The following ATP10B variants were observed in gnomAD, a reference collection of about 807,000 sequenced individuals.
ATP10B encodes the protein phospholipid-transporting ATPase VB.
A neutral mutation model predicts 141.2 loss-of-function variants in ATP10B; 122 were observed. The ratio of observed to expected loss-of-function variants is 0.86; its 90% CI spans 0.75 to 1.00. The LOEUF (loss-of-function observed/expected upper bound fraction) is 1.00, where lower values mean the gene tolerates loss of function less well. Among genes scored for constraint, ATP10B ranks in the 50% least tolerant of loss-of-function variants. The probability of loss-of-function intolerance (pLI) is 0.00; values close to 1 mark genes in which losing one functional copy is unlikely to be tolerated. For missense variants in ATP10B, 1,876 were observed against 1,825.3 expected (o/e 1.03, Z -0.51); for synonymous variants, 685 against 692.0 (o/e 0.99, Z 0.16).
rs950277763 is a variant in ATP10B at position 160,622,379 on chromosome 5, A to G, written c.1812+15T>C. The G allele has an allele frequency of 1.2e-5, 19 of 1,600,338 alleles. No homozygotes were observed. Among genetic ancestry groups the G allele is most frequent in the Non-Finnish European group, 1.5e-5 (18 of 1,174,496 alleles). ...CCTCCTTTACCCTCCTCCCCCAGCCATCGCTGGTCCTTACCCTCTGCCTGG... is the reference window on the plus strand; with the variant it reads ...CCTCCTTTACCCTCCTCCCCCAGCCGTCGCTGGTCCTTACCCTCTGCCTGG... On this transcript the variant is annotated intron_variant, in intron 14 of 25. Transcript: ENST00000327245.
the ATP10B span, among the ~76,000 whole-genome samples, chr5:160,881,086 C>T: frequency 6.6e-6 from 1 of 152,062 alleles, no homozygotes; most frequent in East Asian, 1.9e-4. Flanking sequence ...TCTTAAAAAT[C>T]AACAAGAAAG....
chr5:160,816,080 C>A (rs915499880), intron 1 of ATP10B, among the ~76,000 whole-genome samples: 1 of 151,590 alleles, frequency 6.6e-6, no homozygotes, highest in African/African-American at 2.4e-5. Flanking sequence ...AAAATTGACA[C>A]CCTAACATCA....
At chr5:160,875,476 C>A in the ATP10B span, among the ~76,000 whole-genome samples, 1 of 100,704 alleles carries the variant, frequency 9.9e-6, no homozygotes, top group African/African-American at 2.8e-5. Context: ...ACTGCATCAA[C>A]TAACGAGCAA....
intron 2 of ATP10B, among the ~76,000 whole-genome samples, chr5:160,748,483 A>C (rs1354613617): frequency 6.6e-6 from 1 of 152,210 alleles, no homozygotes; most frequent in Non-Finnish European, 1.5e-5. Flanking sequence ...CACTGGGTAC[A>C]AAAGAGTGCT....
At chr5:160,870,173 G>A in the ATP10B span, among the ~76,000 whole-genome samples, 2 of 152,056 alleles carry the variant, frequency 1.3e-5, no homozygotes, top group African/African-American at 4.8e-5. Flanking sequence ...CATGCAAGGG[G>A]AAAGAAAGTA....
rs556601671 is a variant in ATP10B at position 160,601,801 on chromosome 5, T to C, written c.3363+776A>G. Among the ~76,000 whole-genome samples, 355 of 152,330 alleles carry C rather than the reference T, an allele frequency of 2.3e-3. 1 individual carries two copies. Among genetic ancestry groups the C allele is most frequent in the African/African-American group, 7.9e-3 (329 of 41,572 alleles). ...GTCAGGTAAGACTACCCAGACAAAC[T>C]CTGCACCTCAAACATCTTTGCCAAG... is the stretch of plus-strand genomic sequence containing the variant. On this transcript the variant is annotated intron_variant, in intron 21 of 25. Coordinates refer to ENST00000327245, the MANE Select transcript of ATP10B (RefSeq NM_025153.3).
intron 3 of ATP10B, among the ~76,000 whole-genome samples, chr5:160,708,164 C>A (rs1031333134): frequency 2.0e-5 from 3 of 152,150 alleles, no homozygotes; most frequent in Non-Finnish European, 4.4e-5. Context: ...AGGTTGACAA[C>A]CACTGCAACA....
intron 1 of ATP10B, among the ~76,000 whole-genome samples, chr5:160,815,235 G>A (rs893063934): frequency 6.6e-6 from 1 of 152,104 alleles, no homozygotes; most frequent in African/African-American, 2.4e-5. Context: ...CTGTATTCAG[G>A]AAACCCATCT....
intron 2 of ATP10B, among the ~76,000 whole-genome samples, chr5:160,750,373 G>A (rs369944303): frequency 1.3e-4 from 20 of 152,230 alleles, no homozygotes; most frequent in South Asian, 8.3e-4. Flanking sequence ...GCCCCAGCCC[G>A]CTCCTCCATC....
chr5:160,775,021 A>C (rs1454151334), intron 2 of ATP10B, among the ~76,000 whole-genome samples: 1 of 152,174 alleles, frequency 6.6e-6, no homozygotes, highest in Non-Finnish European at 1.5e-5. Context: ...GCTCCTATGG[A>C]GATTCAGATG....
chr5:160,858,214 TATA>T, the ATP10B span, among the ~76,000 whole-genome samples: 2 of 151,970 alleles, frequency 1.3e-5, no homozygotes, highest in Non-Finnish European at 2.9e-5. Context: ...TTGACCATTA[TATA>T]ATGTCTCTGT....
At chr5:160,674,370 T>C (rs1762899737) in intron 6 of ATP10B, among the ~76,000 whole-genome samples, 1 of 152,176 alleles carries the variant, frequency 6.6e-6, no homozygotes, top group Non-Finnish European at 1.5e-5. Context: ...GCTTGTGGCA[T>C]ATGTGTTTTT....
chr5:160,789,752 T>C (rs1485982602), intron 1 of ATP10B, among the ~76,000 whole-genome samples: 3 of 152,118 alleles, frequency 2.0e-5, no homozygotes, highest in Non-Finnish European at 4.4e-5. Flanking sequence ...GCAGAATAGA[T>C]AGTGGAGGTG....
chr5:160,599,579 A>C (rs1756961159), intron 21 of ATP10B, among the ~76,000 whole-genome samples: 1 of 152,228 alleles, frequency 6.6e-6, no homozygotes, highest in Non-Finnish European at 1.5e-5. Context: ...TGTCACTGAC[A>C]AAGGGGTAAT....
At chr5:160,635,709 C>T (rs1244808318) in intron 11 of ATP10B, among the ~76,000 whole-genome samples, 3 of 152,176 alleles carry the variant, frequency 2.0e-5, no homozygotes, top group African/African-American at 7.2e-5. Context: ...ACATTTGTCT[C>T]ACTTTTTTCT....
intron 22 of ATP10B, among the ~76,000 whole-genome samples, chr5:160,592,565 G>GGGAGTGCCA (rs1417298504): frequency 6.6e-6 from 1 of 152,254 alleles, no homozygotes; most frequent in Non-Finnish European, 1.5e-5. Flanking sequence ...AGTGGGCACA[G>GGGAGTGCCA]GACAGTGGGT....
Position 160,649,161 on chromosome 5 carries a change from A to T in ATP10B, c.761+10T>A, listed in dbSNP as rs776219004. 1 of 1,592,120 alleles carries T rather than the reference A, an allele frequency of 6.3e-7. No homozygotes were observed. Among genetic ancestry groups the T allele is most frequent in the East Asian group, 2.2e-5 (1 of 44,758 alleles). On this transcript the variant is annotated intron_variant, in intron 8 of 25. Coordinates refer to ENST00000327245, the MANE Select transcript of ATP10B (RefSeq NM_025153.3). ...ATATTTACTAGCAGCATGGGACATG[A>T]GATACTTACATATAACCCTTAAATT...
chr5:160,793,253 C>A (rs564631948), intron 1 of ATP10B, among the ~76,000 whole-genome samples: 73 of 151,478 alleles, frequency 4.8e-4, no homozygotes, highest in African/African-American at 1.7e-3. Flanking sequence ...GACAATTCTG[C>A]TGAGCATGCA....
At chr5:160,813,269 C>A (rs576490077) in intron 1 of ATP10B, among the ~76,000 whole-genome samples, 1 of 152,224 alleles carries the variant, frequency 6.6e-6, no homozygotes, top group Non-Finnish European at 1.5e-5. Flanking sequence ...CCTGGAAAAT[C>A]GGGTCACTCC....
Sources: gnomAD v4.1 joint callset for allele counts (sites outside exome capture counted in the v4.1 genomes callset) on GRCh38, gnomAD v4.1.1 for gene constraint, MANE v1.5 for transcripts, NCBI Gene and HGNC (gene_info 2026-07-23, HGNC 2026-07-21) for gene names.